Variants in PCDHA10 observed in about 807,000 individuals in gnomAD.
The protein encoded by PCDHA10 is protocadherin alpha-10.
Under a neutral mutation model 61.2 loss-of-function variants are expected in PCDHA10, and 45 were observed. The observed-to-expected ratio is 0.74, with a 90% CI of 0.58 to 0.94. PCDHA10 has a LOEUF of 0.94. Ranked by LOEUF, PCDHA10 falls within the 40% of genes least tolerant of loss-of-function variation. The pLI, the probability that PCDHA10 is intolerant of heterozygous loss-of-function variation, is 0.00. For missense variants in PCDHA10, 1,278 were observed against 1,236.2 expected, an observed-to-expected ratio of 1.03 and a Z score of -0.51; for synonymous variants, 602 against 548.8, an observed-to-expected ratio of 1.10 and a Z score of -1.35.
rs1322777523 is a variant in PCDHA10 at position 140,961,683 on chromosome 5, A to G, written c.2389-17266A>G. Among the ~76,000 whole-genome samples, 6 of 152,224 alleles carry G rather than the reference A, an allele frequency of 3.9e-5. No homozygotes were observed. The East Asian group carries it at 1.2e-3, about 29-fold the overall frequency. ...AGTTACCAGTTTTTAATTAAGCCGGAGTAGTCCTTAGTATGAATGCCTTCA... is the reference window on the plus strand; with the variant it reads ...AGTTACCAGTTTTTAATTAAGCCGGGGTAGTCCTTAGTATGAATGCCTTCA... On this transcript the variant is annotated intron_variant, in intron 1 of 3. Transcript: ENST00000307360.
At chr5:140,946,342 A>G (rs2093932164) in intron 1 of PCDHA10, among the ~76,000 whole-genome samples, 1 of 151,846 alleles carries the variant, frequency 6.6e-6, no homozygotes, top group African/African-American at 2.4e-5. Context: ...CAAGTGATGG[A>G]GAGGATGTGG....
intron 1 of PCDHA10, among the ~76,000 whole-genome samples, chr5:140,881,790 G>T (rs2058832674): frequency 6.6e-6 from 1 of 152,164 alleles, no homozygotes; most frequent in Non-Finnish European, 1.5e-5. Context: ...CCGATCAATT[G>T]TCCCAAAACG....
rs1554202548 is a variant in PCDHA10 at position 140,925,108 on chromosome 5, G to GGAAGGAAGGAAGGAAGGAAGGAAGGAA, written c.2389-53840_2389-53839insAAGGAAGGAAGGAAGGAAGGAAGGAAG. On this transcript the variant is annotated intron_variant, in intron 1 of 3. Transcript: ENST00000307360. ...AAGGAAGGAAGGAAGGAAGGAAGGA[G>GGAAGGAAGGAAGGAAGGAAGGAAGGAA]GGAAGGAAGGAAGGAAAAAAAATTT... Among the ~76,000 whole-genome samples, 52 of 124,778 alleles carry GGAAGGAAGGAAGGAAGGAAGGAAGGAA rather than the reference G, an allele frequency of 4.2e-4. No individual in the cohort carries two copies. The Middle Eastern group carries it at 0.013, about 31-fold the overall frequency. The allele number at this position is 124,778 out of a possible 152,430, so 81.9% of individuals were successfully genotyped here. A position where few individuals can be genotyped will look rare whatever the true frequency, so the allele number is the denominator to read the frequency against.
At chr5:140,871,804 T>C (rs538101432) in intron 1 of PCDHA10, among the ~76,000 whole-genome samples, 75 of 152,364 alleles carry the variant, frequency 4.9e-4, no homozygotes, top group Non-Finnish European at 7.9e-4. Flanking sequence ...ATTACTATTT[T>C]CACTAAAGTA....
At chr5:140,952,479 A>C (rs246034) in intron 1 of PCDHA10, among the ~76,000 whole-genome samples, 85,668 of 152,018 alleles carry the variant, frequency 0.56, 24,767 homozygotes, top group African/African-American at 0.69. Flanking sequence ...GGAAAGTGAC[A>C]TTTGCTCCAG....
chr5:141,002,923 C>T (rs1261794185), intron 3 of PCDHA10, among the ~76,000 whole-genome samples: 6 of 152,220 alleles, frequency 3.9e-5, no homozygotes, highest in African/African-American at 1.2e-4. Flanking sequence ...AAAGTGAACA[C>T]CCTCCAACAC....
chr5:140,869,249 C>T (rs1554162740), intron 1 of PCDHA10: 2 of 1,613,496 alleles, frequency 1.2e-6, no homozygotes, highest in Admixed American at 3.3e-5. Flanking sequence ...GGCCGCATCG[C>T]GCAGGACCTG....
intron 1 of PCDHA10, among the ~76,000 whole-genome samples, chr5:140,923,219 C>T (rs557006469): frequency 1.3e-5 from 2 of 152,094 alleles, no homozygotes; most frequent in East Asian, 1.9e-4. Context: ...GTGAAAGGAT[C>T]GTTTGAGCCC....
chr5:141,002,497 CT>C (rs1310638544), intron 3 of PCDHA10, among the ~76,000 whole-genome samples: 1 of 152,204 alleles, frequency 6.6e-6, no homozygotes, highest in Non-Finnish European at 1.5e-5. Flanking sequence ...TGTTATACAG[CT>C]CAGGATCTGA....
chr5:140,860,505 A>T (rs2046425472), intron 1 of PCDHA10: 1 of 152,218 alleles, frequency 6.6e-6, no homozygotes, highest in African/African-American at 2.4e-5. Flanking sequence ...TACATACAAG[A>T]TAAAACTCTT....
intron 1 of PCDHA10, among the ~76,000 whole-genome samples, chr5:140,888,588 C>G (rs1419931317): frequency 6.6e-6 from 1 of 152,212 alleles, no homozygotes; most frequent in Non-Finnish European, 1.5e-5. Flanking sequence ...TGTTAGTACA[C>G]ATTCAGAGCA....
At chr5:140,947,140 A>G (rs2094093806) in intron 1 of PCDHA10, among the ~76,000 whole-genome samples, 1 of 151,464 alleles carries the variant, frequency 6.6e-6, no homozygotes, top group Admixed American at 6.6e-5. Context: ...AGTAAAATGT[A>G]TAGTTACTTC....
At position 141,000,391 on chromosome 5, in the gene PCDHA10, CTCTCTATA is replaced by C. The variant is rs1374519322; in HGVS notation, c.2537-9234_2537-9227del. Reference sequence around the variant, plus strand: ...TCTCTCTCTCTCTCTCTCTCTCTCTCTCTCTATATATATATATATATATATATATATTT... The same window carrying C: ...TCTCTCTCTCTCTCTCTCTCTCTCTCTATATATATATATATATATATATTT... On this transcript the variant is annotated intron_variant, in intron 3 of 3. Transcript: ENST00000307360. Among the ~76,000 whole-genome samples the C allele has an allele frequency of 7.6e-3, 431 of 56,394 alleles. 1 individual carries two copies. The highest frequency in any genetic ancestry group is 0.013 in the African/African-American group (152 of 11,988). The allele number at this position is 56,394 out of a possible 152,430, so 37.0% of individuals were successfully genotyped here. A position where few individuals can be genotyped will look rare whatever the true frequency, so the allele number is the denominator to read the frequency against.
intron 3 of PCDHA10, among the ~76,000 whole-genome samples, chr5:140,998,105 A>G (rs1554256162): frequency 6.6e-6 from 1 of 152,204 alleles, no homozygotes; most frequent in African/African-American, 2.4e-5. Context: ...CAAACAGAGG[A>G]GAAAATTTAC....
chr5:140,918,006 TG>T (rs1358735901), intron 1 of PCDHA10, among the ~76,000 whole-genome samples: 6 of 152,208 alleles, frequency 3.9e-5, no homozygotes, highest in Non-Finnish European at 7.3e-5. Flanking sequence ...TTAACAATGT[TG>T]TTTCTTCCTA....
chr5:140,869,698 T>C (rs782072995), intron 1 of PCDHA10: 4 of 1,613,236 alleles, frequency 2.5e-6, no homozygotes, highest in Middle Eastern at 1.6e-4. Context: ...TTTAAAGAAG[T>C]CTCTGGATAG....
At position 140,857,947 on chromosome 5, in the gene PCDHA10, G is replaced by C; in HGVS notation, c.1899G>C (p.Thr633=). Residue 633 remains threonine, a synonymous_variant, in exon 1 of 4, where the codon ACG becomes ACC. Coordinates refer to ENST00000307360, the MANE Select transcript of PCDHA10 (RefSeq NM_018901.4). ...TGTACACGGGCGAGATCAGTACGAC[G>C]CGCGCTCTGGATGAGACTGACTCGC... The part of the protein sequence containing the change: ...VGLYTGEIST[T]RALDETDSPR... 1 of 1,597,414 alleles carries C rather than the reference G, an allele frequency of 6.3e-7. No homozygotes were observed. Among genetic ancestry groups the C allele is most frequent in the Non-Finnish European group, 8.6e-7 (1 of 1,167,412 alleles).
At chr5:140,976,330 T>C (rs139191853) in intron 1 of PCDHA10, among the ~76,000 whole-genome samples, 1 of 152,088 alleles carries the variant, frequency 6.6e-6, no homozygotes, top group Non-Finnish European at 1.5e-5. Flanking sequence ...GAGGGTGGAT[T>C]GCCTGAGGTC....
At chr5:140,962,928 A>G (rs1447478531) in intron 1 of PCDHA10, among the ~76,000 whole-genome samples, 5 of 152,186 alleles carry the variant, frequency 3.3e-5, no homozygotes, top group African/African-American at 1.2e-4. Flanking sequence ...GATACTTCTC[A>G]ACCTCCTCTC....
Sources: gnomAD v4.1 joint callset for allele counts (sites outside exome capture counted in the v4.1 genomes callset) on GRCh38, gnomAD v4.1.1 for gene constraint, MANE v1.5 for transcripts, NCBI Gene and HGNC (gene_info 2026-07-23, HGNC 2026-07-21) for gene names.